Variants in COCH observed in about 807,000 individuals in gnomAD.
COCH encodes coagulation factor C homolog, cochlin (Limulus polyphemus).
COCH carries 40 observed loss-of-function variants against 54.8 expected under a neutral mutation model. The observed-to-expected ratio is 0.73, with a 90% CI of 0.57 to 0.95. The LOEUF is 0.95. Ranked by LOEUF, COCH falls within the 40% of genes least tolerant of loss-of-function variation. The pLI is 0.00. For missense variants in COCH, 605 were observed against 675.0 expected (o/e 0.90, Z 1.15); for synonymous variants, 256 against 237.9 (o/e 1.08, Z -0.70).
chr14:30,882,132 T>TG (rs1895627169), intron 8 of COCH, among the ~76,000 whole-genome samples: 2 of 118,510 alleles, frequency 1.7e-5, no homozygotes, highest in South Asian at 3.1e-4. Flanking sequence ...TTTTTTTTTT[T>TG]TTTTTTTTTT....
chr14:30,877,595 A>G lies in COCH; in HGVS notation c.106A>G (p.Thr36Ala). The change falls in exon 4 of 12, where the codon ACC becomes GCC. Residue 36 changes from threonine to alanine, a missense_variant. Physicochemically the swap from Thr to Ala is moderately conservative, Grantham distance 58 (BLOSUM62 0). Coordinates refer to ENST00000396618, the MANE Select transcript of COCH (RefSeq NM_004086.3). This position sits in a 1 kb window ranked among gnomAD's most constrained non-coding sequence, Gnocchi z 8.6. ...GAAPIAITCF[T>A]RGLDIRKEKA... is the part of the protein sequence containing the mutation. ...AGCTCCCATTGCTATCACATGTTTT[A>G]CCAGAGGCTTGGACATCAGGAAAGA... The G allele has an allele frequency of 4.3e-6, 7 of 1,614,192 alleles. No individual in the cohort carries two copies. The highest frequency in any genetic ancestry group is 5.9e-6 in the Non-Finnish European group (7 of 1,180,026).
intron 3 of COCH, chr14:30,875,321 T>TG: frequency 1.5e-6 from 1 of 652,776 alleles, no homozygotes; most frequent in South Asian, 1.9e-5. Flanking sequence ...TGGGGTCCAG[T>TG]GGGGGGACGT....
At chr14:30,895,363 C>A, downstream of COCH, 1 of 1,542,334 alleles carries the variant, frequency 6.5e-7, no homozygotes, top group Non-Finnish European at 8.7e-7. Context: ...TGATGCAGAC[C>A]CTCTTTCTGT....
intron 5 of COCH, 51 bp downstream of exon 5, chr14:30,878,995 GT>G: frequency 6.2e-7 from 1 of 1,608,284 alleles, no homozygotes; most frequent in East Asian, 2.2e-5. Context: ...CCCCCCAAAC[GT>G]TTTCTGCTTT....
downstream of COCH, among the ~76,000 whole-genome samples, chr14:30,893,291 C>G (rs185970286): frequency 5.0e-4 from 76 of 151,896 alleles, no homozygotes; most frequent in African/African-American, 1.8e-3. Context: ...GGACCATAGG[C>G]ACCCGCCACC....
intron 2 of COCH, 38 bp downstream of exon 2, chr14:30,875,010 C>G (rs570207281): frequency 1.2e-6 from 2 of 1,612,996 alleles, no homozygotes; most frequent in Non-Finnish European, 8.5e-7. Flanking sequence ...CCCCTTGCTC[C>G]GCTGGGTGGA....
At chr14:30,886,860 G>A (rs1322917667) in intron 11 of COCH, among the ~76,000 whole-genome samples, 1 of 152,168 alleles carries the variant, frequency 6.6e-6, no homozygotes, top group Non-Finnish European at 1.5e-5. Flanking sequence ...TAGGACGACA[G>A]GCACATGCCA....
At chr14:30,889,578 C>A (rs1381446572) in intron 11 of COCH, 38 bp from the exon 12 acceptor site, 2 of 1,576,454 alleles carry the variant, frequency 1.3e-6, no homozygotes, top group South Asian at 1.1e-5. Context: ...ATTAGCTAGA[C>A]CTGATTTTCA....
In COCH at chr14:30,885,851, C is replaced by A; in HGVS notation, c.1016C>A (p.Thr339Asn). The A allele has an allele frequency of 6.2e-7, 1 of 1,614,104 alleles. No homozygotes were observed. The change falls in exon 11 of 12, where the codon ACC becomes AAC. Residue 339 changes from threonine (T) to asparagine (N), a missense_variant. Coordinates refer to ENST00000396618, the MANE Select transcript of COCH (RefSeq NM_004086.3). ...FSYHMPNWFG[T>N]TKYVKPLVQK... ...TACCACATGCCCAACTGGTTTGGCA[C>A]CACAAAATACGTAAAGCCTCTGGTA...
chr14:30,876,494 C>T (rs1895360404), intron 3 of COCH: 1 of 152,140 alleles, frequency 6.6e-6, no homozygotes, highest in Non-Finnish European at 1.5e-5. Context: ...GTTTTCTGTC[C>T]TTCGGGAGTT....
chr14:30,889,657 G>A lies in COCH; in HGVS notation c.1519G>A (p.Asp507Asn). ...TGTTGGTGTGGCTTGGGCACCTCTGGATGACCTGAAAGATATGGCTTCTAA... is the reference window on the plus strand; with the variant it reads ...TGTTGGTGTGGCTTGGGCACCTCTGAATGACCTGAAAGATATGGCTTCTAA... ...FSVGVAWAPL[D>N]DLKDMASKPK... Residue 507 changes from aspartate to asparagine, a missense_variant, in exon 12 of 12, where the codon GAT becomes AAT. Physicochemically the swap from Asp to Asn is conservative, Grantham distance 23 (BLOSUM62 1). Coordinates refer to ENST00000396618, the MANE Select transcript of COCH (RefSeq NM_004086.3). 1 of 1,614,056 alleles carries A rather than the reference G, an allele frequency of 6.2e-7. No individual in the cohort carries two copies. The highest frequency in any genetic ancestry group is 8.5e-7 in the Non-Finnish European group (1 of 1,179,938).
chr14:30,877,597 C>T lies in COCH; in HGVS notation c.108C>T (p.Thr36=), dbSNP rs372237012. ...GAAPIAITCF[T]RGLDIRKEKA... ...CTCCCATTGCTATCACATGTTTTAC[C>T]AGAGGCTTGGACATCAGGAAAGAGA... is the stretch of plus-strand genomic sequence containing the variant. Residue 36 remains threonine, a synonymous_variant, in exon 4 of 12, where the codon ACC becomes ACT. Transcript: ENST00000396618. This position sits in a 1 kb window ranked among gnomAD's most constrained non-coding sequence, Gnocchi z 8.6. The T allele has an allele frequency of 1.1e-5, 18 of 1,614,050 alleles. No homozygotes were observed. Among genetic ancestry groups the T allele is most frequent in the African/African-American group, 9.3e-5 (7 of 74,904 alleles).
intron 11 of COCH, among the ~76,000 whole-genome samples, chr14:30,886,980 C>T (rs554356209): frequency 6.6e-6 from 1 of 152,288 alleles, no homozygotes; most frequent in Admixed American, 6.5e-5. Flanking sequence ...CCTTGGCCTC[C>T]CAAAGTGCTG....
intron 5 of COCH, 88 bp downstream of exon 5, chr14:30,879,032 A>C: frequency 2.6e-6 from 4 of 1,547,002 alleles, no homozygotes; most frequent in Non-Finnish European, 3.5e-6. Context: ...TTTAACCTTG[A>C]TGGAAAAACC....
At chr14:30,886,818 A>C (rs1188905319) in intron 11 of COCH, among the ~76,000 whole-genome samples, 1 of 152,196 alleles carries the variant, frequency 6.6e-6, no homozygotes, top group Non-Finnish European at 1.5e-5. Flanking sequence ...ATTGGGCTCA[A>C]GCAATCCTCC....
chr14:30,890,349 G>C lies in COCH; in HGVS notation c.*558G>C. The stretch of plus-strand genomic sequence containing the variant: ...AGACCTGTATCAAACTGCTTTTGTA[G>C]TGTGTTTTCATAACAACTTATGACT... On this transcript the variant is annotated 3_prime_UTR_variant, in exon 12 of 12. Coordinates refer to ENST00000396618, the MANE Select transcript of COCH (RefSeq NM_004086.3). 2.0e-6 allele frequency: 2 copies of C among 985,476 alleles called. No individual in the cohort carries two copies. Among genetic ancestry groups the C allele is most frequent in the Non-Finnish European group, 2.4e-6 (2 of 830,000 alleles). The allele number at this position is 985,476 out of a possible 1,614,324, so 61.0% of individuals were successfully genotyped here.
rs768839032 is a variant in COCH, at chr14:30,890,367, T to G, written c.*576T>G. The G allele has an allele frequency of 2.0e-6, 2 of 985,506 alleles. No homozygotes were observed. Among genetic ancestry groups the G allele is most frequent in the Non-Finnish European group, 2.4e-6 (2 of 829,960 alleles). 61.0% of individuals were successfully genotyped at this position (985,506 alleles called of 1,614,324 possible). ...TTTTGTAGTGTGTTTTCATAACAAC[T>G]TATGACTAAAAATATCACACTGAAT... On this transcript the variant is annotated 3_prime_UTR_variant, in exon 12 of 12. Transcript: ENST00000396618.
chr14:30,895,414 T>G, downstream of COCH: 1 of 1,602,170 alleles, frequency 6.2e-7, no homozygotes, highest in Non-Finnish European at 8.5e-7. Context: ...TGTTGATTCA[T>G]ACAAATACTT....
chr14:30,874,997 C>CG (rs1166655334), intron 2 of COCH, 25 bp downstream of exon 2: 2 of 1,613,010 alleles, frequency 1.2e-6, no homozygotes, highest in Non-Finnish European at 1.7e-6. Flanking sequence ...CTCACGACCC[C>CG]GGCCCCTTGC....
Sources: allele counts gnomAD v4.1 joint callset (sites outside exome capture counted in the v4.1 genomes callset), GRCh38; gene constraint gnomAD v4.1.1; non-coding constraint Gnocchi (gnomAD v3.1); transcripts MANE v1.5; gene names NCBI Gene and HGNC (gene_info 2026-07-23, HGNC 2026-07-21).